Variants in FAP observed in about 807,000 individuals in gnomAD.
FAP encodes fibroblast activation protein alpha, also known as prolyl endopeptidase FAP.
FAP carries 110 observed loss-of-function variants against 126.5 expected under a neutral mutation model. That is an observed-to-expected ratio of 0.87 (90% CI 0.74 to 1.02). The LOEUF (loss-of-function observed/expected upper bound fraction) is 1.02. Among genes scored for constraint, FAP ranks in the 50% least tolerant of loss-of-function variants. FAP has a pLI of 0.00. For missense variants in FAP, 919 were observed against 909.2 expected (o/e 1.01, Z -0.14); for synonymous variants, 334 against 297.3 (o/e 1.12, Z -1.27).
chr2:162,213,901 T>G, intron 11 of FAP, 37 bp downstream of exon 11: 1 of 1,598,560 alleles, frequency 6.3e-7, no homozygotes, highest in Non-Finnish European at 8.5e-7. Flanking sequence ...TGCCTTGATC[T>G]TCAGAAATAC....
chr2:162,186,385 G>A (rs1012806903), intron 20 of FAP, among the ~76,000 whole-genome samples: 3 of 152,030 alleles, frequency 2.0e-5, no homozygotes, highest in Non-Finnish European at 2.9e-5. Flanking sequence ...GTATTACTGC[G>A]AAAATCAGTA....
chr2:162,172,308 A>T (rs1449833301), intron 25 of FAP: 1 of 152,640 alleles, frequency 6.6e-6, no homozygotes, highest in East Asian at 1.9e-4. Context: ...CTCAGTAAGA[A>T]GCTGAGCATC....
At chr2:162,174,721 A>C in intron 22 of FAP, 146 bp downstream of exon 22, 1 of 554,542 alleles carries the variant, frequency 1.8e-6, no homozygotes, top group East Asian at 3.1e-5. Flanking sequence ...ATAATAAATG[A>C]TATAAACAAC....
At position 162,173,232 on chromosome 2, in the gene FAP, G is replaced by GA. The variant is rs756767468; in HGVS notation, c.2035-12dup. On this transcript the variant is annotated splice_polypyrimidine_tract_variant and intron_variant, in intron 23 of 25. Transcript: ENST00000188790. ...CATCACAGTTGAATTCTGGAAAAGA[G>GA]AAAAAAATTAACATTTTAGTTGCTG... The GA allele has an allele frequency of 6.2e-7, 1 of 1,608,116 alleles. No homozygotes were observed. Among genetic ancestry groups the GA allele is most frequent in the African/African-American group, 1.3e-5 (1 of 74,672 alleles).
intron 12 of FAP, among the ~76,000 whole-genome samples, chr2:162,208,612 T>C (rs1236166156): frequency 6.6e-6 from 1 of 152,186 alleles, no homozygotes; most frequent in Non-Finnish European, 1.5e-5. Context: ...CCCTTCGTTC[T>C]TTACTAGAAA....
intron 20 of FAP, among the ~76,000 whole-genome samples, chr2:162,184,513 C>T (rs143752796): frequency 1.3e-5 from 2 of 152,150 alleles, no homozygotes; most frequent in East Asian, 3.8e-4. Flanking sequence ...TGCACGTTTC[C>T]GATGCATAGA....
chr2:162,204,663 C>A (rs1688628603), intron 12 of FAP, among the ~76,000 whole-genome samples: 1 of 152,132 alleles, frequency 6.6e-6, no homozygotes, highest in African/African-American at 2.4e-5. Context: ...TCATAGGGAG[C>A]ACGACTCTGC....
rs760043354 is a variant in FAP at position 162,223,660 on chromosome 2, G to C, written c.361C>G (p.Leu121Val). Reference protein sequence around the residue: ...FVYLESDYSKLWRYSYTATYY... With the variant: ...FVYLESDYSKVWRYSYTATYY... The stretch of plus-strand genomic sequence containing the variant: ...GTTGCTGTGTAAGAGTATCTCCAAA[G>C]CTGTCAGAAAGAAGAAAGACAAAAA... Residue 121 changes from leucine to valine, a missense_variant and splice_region_variant, in exon 6 of 26, where the codon CTT (leucine) becomes GTT (valine). By Grantham distance (32) the Leu-to-Val change is conservative. Transcript: ENST00000188790. 1 of 1,608,074 alleles carries C rather than the reference G, an allele frequency of 6.2e-7. No homozygotes were observed. The highest frequency in any genetic ancestry group is 8.5e-7 in the Non-Finnish European group (1 of 1,175,024).
At position 162,202,885 on chromosome 2, in the gene FAP, T is replaced by C; in HGVS notation, c.1210A>G (p.Thr404Ala). 6.2e-7 allele frequency: 1 copy of C among 1,613,502 alleles called. No homozygotes were observed. Among genetic ancestry groups the C allele is most frequent in the Non-Finnish European group, 8.5e-7 (1 of 1,179,468 alleles). The part of the protein sequence containing the change: ...KWEAINIFRV[T>A]QDSLFYSSNE... ...TGCAATACTTACAGTGAATCCTGTG[T>C]TACTCTGAATATATTTATGGCCTCC... Residue 404 changes from threonine to alanine, a missense_variant, in exon 14 of 26, where the codon ACA becomes GCA. Transcript: ENST00000188790.
chr2:162,204,692 C>T (rs1688630282), intron 12 of FAP, among the ~76,000 whole-genome samples: 1 of 152,184 alleles, frequency 6.6e-6, no homozygotes, highest in Non-Finnish European at 1.5e-5. Flanking sequence ...TGATTTCCGA[C>T]TTCCAGCTTT....
chr2:162,199,842 G>A (rs1576159524), intron 15 of FAP, among the ~76,000 whole-genome samples: 1 of 152,206 alleles, frequency 6.6e-6, no homozygotes. Context: ...TATTTCCTCT[G>A]TTAGGGTTAG....
Position 162,242,902 on chromosome 2 carries a change from T to C in FAP, c.91+6A>G. On this transcript the variant is annotated splice_donor_region_variant and intron_variant, in intron 2 of 25. Transcript: ENST00000188790. ...GCAGATAGAGCAAATCAGAGAAAGT[T>C]CTTACCTCTTGAAGGGCGTAAGACA... 2.5e-6 allele frequency: 4 copies of C among 1,609,856 alleles called. No homozygotes were observed. The highest frequency in any genetic ancestry group is 3.4e-6 in the Non-Finnish European group (4 of 1,176,778).
At chr2:162,215,536 T>G (rs1191686959) in intron 10 of FAP, among the ~76,000 whole-genome samples, 1 of 152,206 alleles carries the variant, frequency 6.6e-6, no homozygotes, top group African/African-American at 2.4e-5. Flanking sequence ...CTTCTCTTAT[T>G]TATCATACAC....
In FAP at chr2:162,223,603, T is replaced by C. The variant is rs1689503780; in HGVS notation, c.413+5A>G. On this transcript the variant is annotated splice_donor_5th_base_variant and intron_variant, in intron 6 of 25. Coordinates refer to ENST00000188790, the MANE Select transcript of FAP (RefSeq NM_004460.5). ...AAGTAGTATTAATAAACAGAGGTGA[T>C]TTACCCATTGCTAAGGTCATAGATG... 1.9e-6 allele frequency: 3 copies of C among 1,560,232 alleles called. No individual in the cohort carries two copies. Among genetic ancestry groups the C allele is most frequent in the Non-Finnish European group, 2.7e-6 (3 of 1,131,424 alleles).
intron 14 of FAP, among the ~76,000 whole-genome samples, chr2:162,201,701 C>T (rs910693752): frequency 3.3e-5 from 5 of 152,168 alleles, no homozygotes; most frequent in African/African-American, 1.2e-4. Flanking sequence ...TCTGTTCTCT[C>T]TTCCATTTAG....
intron 10 of FAP, among the ~76,000 whole-genome samples, chr2:162,215,057 A>G (rs1053718168): frequency 2.6e-5 from 4 of 152,204 alleles, no homozygotes; most frequent in Non-Finnish European, 2.9e-5. Context: ...TATTGAGTCA[A>G]GTTTTCATCG....
chr2:162,205,743 C>A (rs1688675325), intron 12 of FAP, among the ~76,000 whole-genome samples: 1 of 152,152 alleles, frequency 6.6e-6, no homozygotes, highest in Non-Finnish European at 1.5e-5. Flanking sequence ...GAACTCCTGA[C>A]CTCAGGTGAT....
At chr2:162,190,138 A>G (rs997068705) in intron 17 of FAP, among the ~76,000 whole-genome samples, 6 of 152,198 alleles carry the variant, frequency 3.9e-5, no homozygotes, top group East Asian at 1.9e-4. Flanking sequence ...TGGAAATACA[A>G]TCTGGATTGC....
At chr2:162,212,712 A>T (rs1430411605) in intron 11 of FAP, among the ~76,000 whole-genome samples, 1 of 152,172 alleles carries the variant, frequency 6.6e-6, no homozygotes, top group Non-Finnish European at 1.5e-5. Flanking sequence ...ATAAAATATG[A>T]TTATTCTATA....
Sources: allele counts gnomAD v4.1 joint callset (sites outside exome capture counted in the v4.1 genomes callset), GRCh38; gene constraint gnomAD v4.1.1; transcripts MANE v1.5; gene names NCBI Gene and HGNC (gene_info 2026-07-23, HGNC 2026-07-21).